RGS9: variants seen among roughly 807,000 people sequenced by gnomAD.
RGS9 encodes regulator of G protein signaling 9, also known as regulator of G-protein signalling 9.
Under a neutral mutation model 102.0 loss-of-function variants are expected in RGS9, and 78 were observed. That is an observed-to-expected ratio of 0.76 (90% confidence interval 0.64 to 0.92). The LOEUF (loss-of-function observed/expected upper bound fraction) is 0.92, where lower values mean the gene tolerates loss of function less well. Among genes scored for constraint, RGS9 ranks in the 40% least tolerant of loss-of-function variants. RGS9 has a pLI of 0.00. For synonymous variants in RGS9, 353 were observed against 318.6 expected (o/e 1.11, Z -1.15); for missense variants, 833 against 866.1 (o/e 0.96, Z 0.48).
intron 14 of RGS9, among the ~76,000 whole-genome samples, chr17:65,202,757 G>C (rs946725639): frequency 6.6e-6 from 1 of 152,072 alleles, no homozygotes; most frequent in African/African-American, 2.4e-5. Flanking sequence ...TGGCCAGGTG[G>C]AGAGGGAGGG....
At chr17:65,179,697 C>T (rs1473797056) in intron 9 of RGS9, among the ~76,000 whole-genome samples, 1 of 143,820 alleles carries the variant, frequency 7.0e-6, no homozygotes, top group Admixed American at 6.9e-5. Flanking sequence ...GGTGGTTAGG[C>T]AGGACCTTAA....
At chr17:65,193,680 T>C in intron 12 of RGS9, 24 bp downstream of exon 12, 1 of 1,505,922 alleles carries the variant, frequency 6.6e-7, no homozygotes, top group South Asian at 1.1e-5. Context: ...ATATTGGTGT[T>C]TTTTAAAAAA....
intron 1 of RGS9, among the ~76,000 whole-genome samples, chr17:65,138,977 A>G (rs28603027): frequency 0.18 from 613 of 3,354 alleles, 18 homozygotes; most frequent in Middle Eastern, 0.5. Context: ...CCTCCACCCC[A>G]GCATCCCCTC....
Position 65,158,359 on chromosome 17 carries a change from T to G in RGS9, c.205+14T>G, listed in dbSNP as rs1417526985. ...TCTCCAGTCTGGGTGAGAGCTCATC[T>G]GGCACTCAGTTATCCGGGACAGCTT... On this transcript the variant is annotated intron_variant, in intron 3 of 18. Coordinates refer to ENST00000262406, the MANE Select transcript of RGS9 (RefSeq NM_003835.4). 2.5e-6 allele frequency: 4 copies of G among 1,612,610 alleles called. No individual in the cohort carries two copies.
chr17:65,205,241 C>T (rs1265856923), intron 15 of RGS9, among the ~76,000 whole-genome samples: 1 of 152,172 alleles, frequency 6.6e-6, no homozygotes, highest in Non-Finnish European at 1.5e-5. Context: ...CTTGACAAGA[C>T]TTTCTTTGGG....
intron 16 of RGS9, among the ~76,000 whole-genome samples, chr17:65,209,705 C>G (rs559726358): frequency 1.4e-4 from 21 of 152,206 alleles, no homozygotes; most frequent in Non-Finnish European, 2.4e-4. Context: ...GGCCTCTTCC[C>G]TCTTTCTCTG....
chr17:65,206,574 G>T (rs1221188247), intron 15 of RGS9, among the ~76,000 whole-genome samples: 1 of 152,172 alleles, frequency 6.6e-6, no homozygotes, highest in African/African-American at 2.4e-5. Context: ...CTACCCAGGA[G>T]GCTGAGGCAG....
At chr17:65,210,438 G>A in intron 16 of RGS9, 50 bp from the exon 17 acceptor site, 1 of 1,598,956 alleles carries the variant, frequency 6.3e-7, no homozygotes, top group Non-Finnish European at 8.6e-7. Flanking sequence ...GGTCAGTGTT[G>A]GGCAAGCTGT....
chr17:65,212,593 A>G (rs1457000210), intron 17 of RGS9, among the ~76,000 whole-genome samples: 1 of 152,224 alleles, frequency 6.6e-6, no homozygotes, highest in Non-Finnish European at 1.5e-5. Flanking sequence ...GAAACTGTGC[A>G]AGATGAGTTT....
chr17:65,138,389 T>G (rs1384746091), intron 1 of RGS9, among the ~76,000 whole-genome samples: 1 of 152,094 alleles, frequency 6.6e-6, no homozygotes, highest in South Asian at 2.1e-4. Flanking sequence ...CTTATCTTGT[T>G]GAGTAGAATT....
chr17:65,219,242 TA>T (rs1410918160), intron 17 of RGS9, among the ~76,000 whole-genome samples: 2 of 152,196 alleles, frequency 1.3e-5, no homozygotes, highest in South Asian at 4.1e-4. Context: ...AACATCAGTG[TA>T]TGCCAGTGCT....
chr17:65,159,433 G>A (rs1249245828), intron 3 of RGS9, among the ~76,000 whole-genome samples: 1 of 152,118 alleles, frequency 6.6e-6, no homozygotes, highest in Non-Finnish European at 1.5e-5. Context: ...GGTACAATGA[G>A]GCATACAACT....
chr17:65,209,971 G>A (rs1259189004), intron 16 of RGS9, among the ~76,000 whole-genome samples: 1 of 152,094 alleles, frequency 6.6e-6, no homozygotes, highest in African/African-American at 2.4e-5. Flanking sequence ...CCAGCTACTT[G>A]GGAGTCTGAA....
chr17:65,219,109 A>T (rs1330221260), intron 17 of RGS9, among the ~76,000 whole-genome samples: 2 of 152,190 alleles, frequency 1.3e-5, no homozygotes, highest in Non-Finnish European at 2.9e-5. Context: ...GCCAACCGGG[A>T]CCATCCATCC....
chr17:65,216,321 CAG>C (rs1414843334), intron 17 of RGS9, among the ~76,000 whole-genome samples: 3 of 152,128 alleles, frequency 2.0e-5, no homozygotes, highest in Admixed American at 6.5e-5. Context: ...ACCAAGCAAA[CAG>C]AGAGACAGAT....
intron 3 of RGS9, among the ~76,000 whole-genome samples, chr17:65,159,604 G>T (rs1163501778): frequency 6.6e-6 from 1 of 152,182 alleles, no homozygotes; most frequent in African/African-American, 2.4e-5. Flanking sequence ...CTCCCCAGAG[G>T]ATGGAAGGAT....
intron 17 of RGS9, among the ~76,000 whole-genome samples, chr17:65,220,001 T>A: frequency 7.0e-6 from 1 of 141,902 alleles, no homozygotes; most frequent in East Asian, 2.0e-4. Flanking sequence ...ATCACTATCA[T>A]CATCACCATC....
chr17:65,190,313 A>C, intron 11 of RGS9, 77 bp downstream of exon 11: 1 of 1,133,286 alleles, frequency 8.8e-7, no homozygotes, highest in Non-Finnish European at 1.3e-6. Flanking sequence ...AAACTCGACA[A>C]GTCCTGGGCT....
intron 7 of RGS9, among the ~76,000 whole-genome samples, chr17:65,166,716 C>T (rs184824472): frequency 6.2e-4 from 94 of 152,286 alleles, no homozygotes; most frequent in Non-Finnish European, 1.1e-3. Context: ...CAGAGAGTGA[C>T]TCTATTTACC....
Sources: gnomAD v4.1 joint callset for allele counts (sites outside exome capture counted in the v4.1 genomes callset) on GRCh38, gnomAD v4.1.1 for gene constraint, MANE v1.5 for transcripts, NCBI Gene and HGNC (gene_info 2026-07-23, HGNC 2026-07-21) for gene names.